The following DPF1 variants were observed in gnomAD, a reference collection of about 807,000 sequenced individuals.
The protein encoded by DPF1 is zinc finger protein neuro-d4.
DPF1 carries 14 observed loss-of-function variants against 58.7 expected under a neutral mutation model. The observed-to-expected ratio is 0.24, with a 90% CI of 0.16 to 0.37. DPF1 has a LOEUF of 0.37. Ranked by LOEUF, DPF1 falls within the 10% of genes least tolerant of loss-of-function variation. The pLI is 1.00. For synonymous variants in DPF1, 216 were observed against 216.0 expected, an observed-to-expected ratio of 1.00 and a Z score of 0.00; for missense variants, 345 against 529.9, an observed-to-expected ratio of 0.65 and a Z score of 3.43.
At chr19:38,221,687 C>T (rs1209168001) in intron 3 of DPF1, among the ~76,000 whole-genome samples, 2 of 152,202 alleles carry the variant, frequency 1.3e-5, no homozygotes, top group Non-Finnish European at 2.9e-5. Flanking sequence ...TGGTGGTTCA[C>T]GCCTATAATC....
intron 3 of DPF1, among the ~76,000 whole-genome samples, chr19:38,220,420 G>C (rs1039763679): frequency 1.3e-5 from 2 of 151,966 alleles, no homozygotes; most frequent in African/African-American, 4.8e-5. Context: ...AGGAGATCGA[G>C]ACCATCCTGG....
intron 1 of DPF1, 153 bp downstream of exon 1, chr19:38,223,961 C>T (rs1967684931): frequency 9.6e-7 from 1 of 1,040,858 alleles, no homozygotes; most frequent in Non-Finnish European, 1.3e-6. Context: ...TTGTCAGAGA[C>T]CCACAGTCAC....
In DPF1 at chr19:38,212,508, A is replaced by C. The variant is rs1973525527; in HGVS notation, c.1012-147T>G. On this transcript the variant is annotated intron_variant, in intron 10 of 11. Transcript: ENST00000355526. ...TCTGAGAAGGTCTTTGCAGCAGGAA[A>C]TGTGTGCGCAACACTGCTTAGCCAA... 5.6e-6 allele frequency: 3 copies of C among 540,336 alleles called. No homozygotes were observed. In the East Asian group the frequency reaches 9.3e-5, roughly 17 times the overall value. 33.5% of individuals were successfully genotyped at this position (540,336 alleles called of 1,614,324 possible).
chr19:38,224,219 C>G lies in DPF1; in HGVS notation c.-77G>C. ...AGCGGTCGGGCGGGCGCTGAGGCCG[C>G]CCATCCATTCATTCCCGGGGGGCGG... On this transcript the variant is annotated 5_prime_UTR_variant, in exon 1 of 12. Transcript: ENST00000355526. This position sits in a 1 kb window ranked among gnomAD's most constrained non-coding sequence, Gnocchi z 4.5. The G allele has an allele frequency of 7.6e-7, 1 of 1,309,776 alleles. No individual in the cohort carries two copies. The highest frequency in any genetic ancestry group is 3.0e-5 in the East Asian group (1 of 33,060). The allele number at this position is 1,309,776 out of a possible 1,614,324, so 81.1% of individuals were successfully genotyped here.
rs529783121 is a variant in DPF1, at chr19:38,219,220, C to G, written c.299-162G>C. Reference sequence around the variant, plus strand: ...AGGGAGGCCCAGACTCTGGGGAGACCCAGTCACGCCCTCAGATGCCCTGGG... The same window carrying G: ...AGGGAGGCCCAGACTCTGGGGAGACGCAGTCACGCCCTCAGATGCCCTGGG... On this transcript the variant is annotated intron_variant, in intron 3 of 11. Coordinates refer to ENST00000355526, the MANE Select transcript of DPF1 (RefSeq NM_001135155.3). The G allele has an allele frequency of 2.8e-4, 269 of 970,138 alleles. No homozygotes were observed. In the East Asian group the frequency reaches 6.9e-3, roughly 25 times the overall value. 60.1% of individuals were successfully genotyped at this position (970,138 alleles called of 1,614,324 possible).
chr19:38,224,095 T>C lies in DPF1; in HGVS notation c.29+19A>G, dbSNP rs1490155950. The stretch of plus-strand genomic sequence containing the variant: ...GACCCGCCCGCGCTTCCTCTCCGCC[T>C]CCCGCCGGCCCGCACCACCTCAGGG... On this transcript the variant is annotated intron_variant, in intron 1 of 11. Transcript: ENST00000355526. This position sits in a 1 kb window ranked among gnomAD's most constrained non-coding sequence, Gnocchi z 4.5. 6 of 1,495,086 alleles carry C rather than the reference T, an allele frequency of 4.0e-6. No homozygotes were observed. The highest frequency in any genetic ancestry group is 1.4e-5 in the South Asian group (1 of 73,034). The allele number at this position is 1,495,086 out of a possible 1,614,324, so 92.6% of individuals were successfully genotyped here.
upstream of DPF1, among the ~76,000 whole-genome samples, chr19:38,225,225 C>T (rs144634573): frequency 5.8e-3 from 881 of 151,898 alleles, 10 homozygotes; most frequent in African/African-American, 0.02. Flanking sequence ...GCCTGGGCAA[C>T]AAGAGTGAGA....
intron 1 of DPF1, chr19:38,223,618 C>T (rs191325925): frequency 6.5e-6 from 1 of 152,874 alleles, no homozygotes; most frequent in East Asian, 1.9e-4. Context: ...CATATAGTTC[C>T]AAAGGACACG....
intron 4 of DPF1, 94 bp from the exon 5 acceptor site, chr19:38,218,756 G>T: frequency 6.5e-7 from 1 of 1,543,194 alleles, no homozygotes; most frequent in Non-Finnish European, 8.9e-7. Context: ...GGGGGTGAGA[G>T]TATAAGTCAG....
chr19:38,220,438 G>A (rs1406535950), intron 3 of DPF1, among the ~76,000 whole-genome samples: 4 of 151,920 alleles, frequency 2.6e-5, no homozygotes, highest in East Asian at 1.9e-4. Flanking sequence ...TGGCTAACAC[G>A]GTGAAACCCC....
chr19:38,225,070 G>T (rs1343245828), upstream of DPF1, among the ~76,000 whole-genome samples: 1 of 152,144 alleles, frequency 6.6e-6, no homozygotes, highest in Non-Finnish European at 1.5e-5. Context: ...GGCCAACATG[G>T]TAGTAGTCTC....
chr19:38,212,409 A>G, intron 10 of DPF1, 48 bp from the exon 11 acceptor site: 1 of 496,642 alleles, frequency 2.0e-6, no homozygotes, highest in Non-Finnish European at 3.5e-6. Context: ...CACGGGCACC[A>G]GAAACGGGGG....
At chr19:38,217,680 C>T (rs1967133142) in intron 6 of DPF1, 89 bp from the exon 7 acceptor site, 1 of 1,546,166 alleles carries the variant, frequency 6.5e-7, no homozygotes, top group East Asian at 2.3e-5. Context: ...CCTCCCCCCT[C>T]AGCCAGAGAC....
chr19:38,227,000 TCC>T (rs1206571693), upstream of DPF1, among the ~76,000 whole-genome samples: 127 of 83,688 alleles, frequency 1.5e-3, no homozygotes, highest in East Asian at 0.032. Context: ...TTCTCTTCCT[TCC>T]TTCCTTCCTT....
At chr19:38,215,198 A>G (rs1259920832) in intron 9 of DPF1, among the ~76,000 whole-genome samples, 1 of 150,544 alleles carries the variant, frequency 6.6e-6, no homozygotes, top group East Asian at 2.0e-4. Flanking sequence ...AAACTCCCAG[A>G]TTCAAGGGGC....
chr19:38,219,632 G>A (rs911358117), intron 3 of DPF1: 1 of 152,402 alleles, frequency 6.6e-6, no homozygotes, highest in Non-Finnish European at 1.5e-5. Context: ...CAGAGTAGCT[G>A]GCATGCTACC....
At chr19:38,214,594 T>C (rs1021375554) in intron 9 of DPF1, among the ~76,000 whole-genome samples, 1 of 152,140 alleles carries the variant, frequency 6.6e-6, no homozygotes, top group Non-Finnish European at 1.5e-5. Context: ...GCCCAGGTGG[T>C]GGTGTCCGTC....
intron 9 of DPF1, among the ~76,000 whole-genome samples, chr19:38,214,461 C>T (rs564030225): frequency 2.0e-5 from 3 of 152,302 alleles, no homozygotes; most frequent in South Asian, 2.1e-4. Context: ...CATGATGCCA[C>T]GACAACCACA....
At chr19:38,217,670 C>A in intron 6 of DPF1, 79 bp from the exon 7 acceptor site, 1 of 1,537,588 alleles carries the variant, frequency 6.5e-7, no homozygotes, top group Non-Finnish European at 8.8e-7. Context: ...CAGGATCACA[C>A]CTCCCCCCTC....
Sources: gnomAD v4.1 joint callset for allele counts (sites outside exome capture counted in the v4.1 genomes callset) on GRCh38, gnomAD v4.1.1 for gene constraint, Gnocchi (gnomAD v3.1) non-coding constraint, MANE v1.5 for transcripts, NCBI Gene and HGNC (gene_info 2026-07-23, HGNC 2026-07-21) for gene names.